AKAP11: variants seen among roughly 807,000 people sequenced by gnomAD.
AKAP11 encodes A-kinase anchor protein 11.
In AKAP11, 36 loss-of-function variants were observed where a neutral mutation model predicts 146.1. The ratio of observed to expected loss-of-function variants is 0.25; its 90% confidence interval spans 0.19 to 0.33. The LOEUF (loss-of-function observed/expected upper bound fraction) is 0.33. Among genes scored for constraint, AKAP11 ranks in the 10% least tolerant of loss-of-function variants. The pLI, the probability that AKAP11 is intolerant of heterozygous loss-of-function variation, is 1.00. For missense variants in AKAP11, 2,201 were observed against 2,197.0 expected (o/e 1.00, Z -0.04); for synonymous variants, 780 against 786.5 (o/e 0.99, Z 0.14).
chr13:42,286,448 G>GTTGATTTTTT, intron 3 of AKAP11, 49 bp downstream of exon 3: 1 of 1,449,794 alleles, frequency 6.9e-7, no homozygotes, highest in Non-Finnish European at 9.4e-7. Flanking sequence ...TAATTAAAAT[G>GTTGATTTTTT]TTGATTTTTT....
chr13:42,320,940 A>G lies in AKAP11; in HGVS notation c.*1712A>G, dbSNP rs933997289. On this transcript the variant is annotated 3_prime_UTR_variant, in exon 13 of 13. Transcript: ENST00000025301. ...ATTTTTCTCAATTTAAGATACAGAA[A>G]TACAGCAAGCCTTAATATAAAGTTT... 13 of 152,348 alleles carry G rather than the reference A, an allele frequency of 8.5e-5. No individual in the cohort carries two copies. Among genetic ancestry groups the G allele is most frequent in the African/African-American group, 2.9e-4 (12 of 41,452 alleles). 9.4% of individuals were successfully genotyped at this position (152,348 alleles called of 1,614,324 possible).
At position 42,319,502 on chromosome 13, in the gene AKAP11, G is replaced by A. The variant is rs1009553682; in HGVS notation, c.*274G>A. 7 of 296,172 alleles carry A rather than the reference G, an allele frequency of 2.4e-5. No individual in the cohort carries two copies. Among genetic ancestry groups the A allele is most frequent in the African/African-American group, 1.5e-4 (7 of 45,710 alleles). 18.3% of individuals were successfully genotyped at this position (296,172 alleles called of 1,614,324 possible). A position where few individuals can be genotyped will look rare whatever the true frequency, so the allele number is the denominator to read the frequency against. Reference sequence around the variant, plus strand: ...TGTATTTGAAGGAAGGTCTAACCAGGGGGTTTTCAGGGGCATTGTCTGACC... The same window carrying A: ...TGTATTTGAAGGAAGGTCTAACCAGAGGGTTTTCAGGGGCATTGTCTGACC... On this transcript the variant is annotated 3_prime_UTR_variant, in exon 13 of 13. Transcript: ENST00000025301.
upstream of AKAP11, among the ~76,000 whole-genome samples, chr13:42,271,756 C>T (rs1958771436): frequency 6.6e-6 from 1 of 152,080 alleles, no homozygotes; most frequent in Non-Finnish European, 1.5e-5. Flanking sequence ...CGCAAGACGT[C>T]CGCCGCAGGT....
chr13:42,278,009 G>A (rs1958969667), intron 1 of AKAP11, among the ~76,000 whole-genome samples: 1 of 152,188 alleles, frequency 6.6e-6, no homozygotes, highest in South Asian at 2.1e-4. Context: ...AATATTTGGA[G>A]ACAGTTTTGG....
upstream of AKAP11, among the ~76,000 whole-genome samples, chr13:42,271,681 C>G (rs1310868497): frequency 3.9e-5 from 6 of 152,164 alleles, no homozygotes; most frequent in Non-Finnish European, 1.5e-5. Context: ...GCGGAGCAAG[C>G]CAAGGCCTGG....
chr13:42,272,117 AGGGGGAGGGCTGGGG>A (rs1958780571), upstream of AKAP11: 2 of 3,376 alleles, frequency 5.9e-4, no homozygotes, highest in Admixed American at 5.6e-3. Context: ...CGGGGCTGGG[AGGGGGAGGGCTGGGG>A]GTCAGCGCGG....
chr13:42,286,748 G>A (rs1358480035), intron 3 of AKAP11, among the ~76,000 whole-genome samples: 1 of 152,090 alleles, frequency 6.6e-6, no homozygotes, highest in Non-Finnish European at 1.5e-5. Flanking sequence ...GTTCTTATAA[G>A]CCAGACCATA....
At position 42,302,633 on chromosome 13, in the gene AKAP11, A is replaced by C; in HGVS notation, c.3887A>C (p.Glu1296Ala). Residue 1296 changes from glutamate (E) to alanine (A), a missense_variant, in exon 8 of 13, where the codon GAA (glutamate) becomes GCA (alanine). Physicochemically the swap from Glu to Ala is moderately radical, Grantham distance 107 (BLOSUM62 -1). Coordinates refer to ENST00000025301, the MANE Select transcript of AKAP11 (RefSeq NM_016248.4). The part of the protein sequence containing the change: ...KKNSCYADGD[E>A]DYKVEEKLDI... ...AACAGTTGTTATGCTGATGGTGACG[A>C]AGATTATAAAGTAGAAGAGAAGTTG... is the stretch of plus-strand genomic sequence containing the variant. 6.2e-7 allele frequency: 1 copy of C among 1,614,192 alleles called. No homozygotes were observed. Among genetic ancestry groups the C allele is most frequent in the Admixed American group, 1.7e-5 (1 of 60,026 alleles).
intron 11 of AKAP11, among the ~76,000 whole-genome samples, chr13:42,314,743 C>T (rs895016489): frequency 2.0e-5 from 3 of 152,022 alleles, no homozygotes; most frequent in Admixed American, 2.0e-4. Flanking sequence ...TTCCCTCCCC[C>T]AGTTCCAGTG....
intron 12 of AKAP11, among the ~76,000 whole-genome samples, chr13:42,318,285 T>C (rs955117031): frequency 6.6e-6 from 1 of 152,238 alleles, no homozygotes; most frequent in Non-Finnish European, 1.5e-5. Flanking sequence ...GGTAGAAATA[T>C]TCGAATTGTG....
chr13:42,281,033 A>G (rs1959048149), intron 1 of AKAP11, among the ~76,000 whole-genome samples: 1 of 152,176 alleles, frequency 6.6e-6, no homozygotes, highest in Admixed American at 6.5e-5. Context: ...CAAATTTTGG[A>G]GTAACTGGGA....
Position 42,301,050 on chromosome 13 carries a change from G to C in AKAP11, c.2304G>C (p.Gln768His), listed in dbSNP as rs768510563. 5 of 1,614,116 alleles carry C rather than the reference G, an allele frequency of 3.1e-6. No homozygotes were observed. In the East Asian group the frequency reaches 1.1e-4, roughly 36 times the overall value. The change falls in exon 8 of 13, where the codon CAG becomes CAC. Residue 768 changes from glutamine (Q) to histidine (H), a missense_variant. Gln to His is a conservative substitution (Grantham distance 24). Transcript: ENST00000025301. Reference protein sequence around the residue: ...QEYKKEYTVQQALFCTSGIVT... With the variant: ...QEYKKEYTVQHALFCTSGIVT... Reference sequence around the variant, plus strand: ...ATAAAAAGGAATACACAGTGCAGCAGGCCTTGTTTTGTACTTCTGGAATTG... The same window carrying C: ...ATAAAAAGGAATACACAGTGCAGCACGCCTTGTTTTGTACTTCTGGAATTG...
At chr13:42,288,302 A>T (rs1052417176) in intron 3 of AKAP11, among the ~76,000 whole-genome samples, 1 of 152,200 alleles carries the variant, frequency 6.6e-6, no homozygotes, top group Admixed American at 6.5e-5. Context: ...TATTATGAAA[A>T]ATTTCAAACA....
chr13:42,313,745 G>T, intron 10 of AKAP11, 149 bp from the exon 11 acceptor site: 1 of 647,994 alleles, frequency 1.5e-6, no homozygotes, highest in East Asian at 2.9e-5. Flanking sequence ...GAGAAGCAAA[G>T]CTTCCTTTTT....
chr13:42,291,692 G>A (rs1383524507), intron 3 of AKAP11, among the ~76,000 whole-genome samples: 3 of 152,172 alleles, frequency 2.0e-5, no homozygotes, highest in African/African-American at 7.2e-5. Context: ...GGGAAGACTG[G>A]GAAGTAAGGA....
chr13:42,287,247 C>T (rs1959174262), intron 3 of AKAP11, among the ~76,000 whole-genome samples: 1 of 151,874 alleles, frequency 6.6e-6, no homozygotes, highest in African/African-American at 2.4e-5. Context: ...AGGATGCCTG[C>T]AAAATAGAAA....
rs917835674 is a variant in AKAP11 at position 42,291,441 on chromosome 13, C to T, written c.52-944C>T. Among the ~76,000 whole-genome samples the T allele has an allele frequency of 4.6e-5, 7 of 152,072 alleles. No individual in the cohort carries two copies. The South Asian group carries it at 6.2e-4, about 14-fold the overall frequency. ...CTAATTTGTGTATTTTTAGTAAAGA[C>T]GGGCTTTCGCTATGTTGGCCAGGCT... On this transcript the variant is annotated intron_variant, in intron 3 of 12. Transcript: ENST00000025301.
In AKAP11 at chr13:42,286,330, T is replaced by C; in HGVS notation, c.-19T>C. ...TTGTGGATTAACTCTTCATTGATTA[T>C]ATACAACAAAAAATAGTTATGGCGA... On this transcript the variant is annotated 5_prime_UTR_variant, in exon 3 of 13. Transcript: ENST00000025301. 1.3e-6 allele frequency: 2 copies of C among 1,576,474 alleles called. No individual in the cohort carries two copies. The highest frequency in any genetic ancestry group is 2.3e-5 in the South Asian group (2 of 85,888).
rs928149413 is a variant in AKAP11 at position 42,320,474 on chromosome 13, C to T, written c.*1246C>T. On this transcript the variant is annotated 3_prime_UTR_variant, in exon 13 of 13. Transcript: ENST00000025301. ...TGTCTTGCTTTTGTCTCTCTCTTCC[C>T]TCCCTGCAACTCTCTCTCCCCTCCT... The T allele has an allele frequency of 4.6e-5, 7 of 151,708 alleles. No homozygotes were observed. The highest frequency in any genetic ancestry group is 3.3e-4 in the Admixed American group (5 of 15,208). 9.4% of individuals were successfully genotyped at this position (151,708 alleles called of 1,614,324 possible).
Sources: gnomAD v4.1 joint callset for allele counts (sites outside exome capture counted in the v4.1 genomes callset) on GRCh38, gnomAD v4.1.1 for gene constraint, MANE v1.5 for transcripts, NCBI Gene and HGNC (gene_info 2026-07-23, HGNC 2026-07-21) for gene names.